SLC2A1: variants seen among roughly 807,000 people sequenced by gnomAD.
SLC2A1 encodes solute carrier family 2 member 1, also known as solute carrier family 2, facilitated glucose transporter member 1.
SLC2A1 carries 4 observed loss-of-function variants against 46.6 expected under a neutral mutation model. The ratio of observed to expected loss-of-function variants is 0.09; its 90% CI spans 0.04 to 0.20. The LOEUF (loss-of-function observed/expected upper bound fraction) is 0.20. Ranked by LOEUF, SLC2A1 falls within the 10% of genes least tolerant of loss-of-function variation. The pLI is 1.00. For synonymous variants in SLC2A1, 253 were observed against 270.0 expected (o/e 0.94, Z 0.62); for missense variants, 352 against 667.0 (o/e 0.53, Z 5.20).
intron 2 of SLC2A1, among the ~76,000 whole-genome samples, chr1:42,935,473 G>A (rs1643533081): frequency 6.6e-6 from 1 of 152,220 alleles, no homozygotes; most frequent in Non-Finnish European, 1.5e-5. Flanking sequence ...GGCGAACACT[G>A]CCTGGCACAT....
At chr1:42,942,986 G>A in intron 2 of SLC2A1, 1 of 585,190 alleles carries the variant, frequency 1.7e-6, no homozygotes, top group South Asian at 2.0e-5. Context: ...TGGTCAAGAG[G>A]GCCTATACAA....
intron 1 of SLC2A1, among the ~76,000 whole-genome samples, chr1:42,956,420 AAAAAAAAAAAAAAC>A (rs1421117705): frequency 6.8e-5 from 9 of 132,094 alleles, no homozygotes; most frequent in African/African-American, 2.6e-4. Context: ...AAAAAAAAAA[AAAAAAAAAAAAAAC>A]ATTAGCTGGG....
chr1:42,931,858 A>G (rs1252554319), intron 2 of SLC2A1, among the ~76,000 whole-genome samples: 1 of 150,536 alleles, frequency 6.6e-6, no homozygotes. Context: ...AGAAATACAG[A>G]AGGAAAAGGG....
rs1643423234 is a variant in SLC2A1 at position 42,926,182 on chromosome 1, G to A, written c.*859C>T. 1 of 152,644 alleles carries A rather than the reference G, an allele frequency of 6.6e-6. No individual in the cohort carries two copies. Among genetic ancestry groups the A allele is most frequent in the Non-Finnish European group, 1.5e-5 (1 of 68,074 alleles). 9.5% of individuals were successfully genotyped at this position (152,644 alleles called of 1,614,324 possible). ...TTCTAAAAACCAGCCATTTATATCT[G>A]TTTAGGTAAGTAACAGGAGTGAGGT... On this transcript the variant is annotated 3_prime_UTR_variant, in exon 10 of 10. Transcript: ENST00000426263.
rs1162189308 is a variant in SLC2A1, at chr1:42,926,510, G to A, written c.*531C>T. 1 of 297,760 alleles carries A rather than the reference G, an allele frequency of 3.4e-6. No homozygotes were observed. The highest frequency in any genetic ancestry group is 6.7e-6 in the Non-Finnish European group (1 of 148,608). The allele number at this position is 297,760 out of a possible 1,614,324, so 18.4% of individuals were successfully genotyped here. A position where few individuals can be genotyped will look rare whatever the true frequency, so the allele number is the denominator to read the frequency against. On this transcript the variant is annotated 3_prime_UTR_variant, in exon 10 of 10. Transcript: ENST00000426263. ...AAGATTAATTTGAGTGGTTGGGTAG[G>A]AAGAGATGGGAAGGGGCAAATCCTA...
chr1:42,936,045 CT>C (rs1643539337), intron 2 of SLC2A1, among the ~76,000 whole-genome samples: 1 of 152,162 alleles, frequency 6.6e-6, no homozygotes, highest in Non-Finnish European at 1.5e-5. Context: ...AACCCTTGAT[CT>C]AGGATTCTAG....
At chr1:42,947,586 A>AAAAAAAAAAAAAAAAAAAAAAC (rs1643671812) in intron 1 of SLC2A1, among the ~76,000 whole-genome samples, 1 of 78,746 alleles carries the variant, frequency 1.3e-5, no homozygotes, top group African/African-American at 4.1e-5. Flanking sequence ...ACACACAAAA[A>AAAAAAAAAAAAAAAAAAAAAAC]AAAAAAAAAA....
chr1:42,958,539 G>T, intron 1 of SLC2A1, 95 bp downstream of exon 1: 19 of 1,089,876 alleles, frequency 1.7e-5, no homozygotes, highest in Non-Finnish European at 2.3e-5. Flanking sequence ...GGCGCACAGC[G>T]CAGCGGGGCG....
chr1:42,940,006 C>A (rs1557650103), intron 2 of SLC2A1, among the ~76,000 whole-genome samples: 1 of 151,746 alleles, frequency 6.6e-6, no homozygotes, highest in Non-Finnish European at 1.5e-5. Context: ...AAAGGCAGCC[C>A]CTCCCTTCTG....
intron 1 of SLC2A1, among the ~76,000 whole-genome samples, chr1:42,948,500 A>G (rs566738603): frequency 2.0e-5 from 3 of 152,282 alleles, no homozygotes; most frequent in Non-Finnish European, 2.9e-5. Flanking sequence ...GAAGCAGGGG[A>G]CGCAGGGCTT....
At chr1:42,931,564 G>T (rs1260243987) in intron 2 of SLC2A1, among the ~76,000 whole-genome samples, 1 of 152,032 alleles carries the variant, frequency 6.6e-6, no homozygotes, top group Non-Finnish European at 1.5e-5. Context: ...GGTGGCTCAC[G>T]CCTGTAATCC....
chr1:42,927,010 G>T lies in SLC2A1; in HGVS notation c.*31C>A. 1 of 1,609,242 alleles carries T rather than the reference G, an allele frequency of 6.2e-7. No individual in the cohort carries two copies. The highest frequency in any genetic ancestry group is 8.5e-7 in the Non-Finnish European group (1 of 1,176,312). On this transcript the variant is annotated 3_prime_UTR_variant, in exon 10 of 10. Transcript: ENST00000426263. This position sits in a 1 kb window ranked among gnomAD's most constrained non-coding sequence, Gnocchi z 5.3. ...TCCTGAGAGATCCTTAGGGCTGCTG[G>T]GAGCAGGCCGGGCTGGTGATCTGGG...
intron 2 of SLC2A1, among the ~76,000 whole-genome samples, chr1:42,940,009 C>A (rs947269608): frequency 6.6e-6 from 1 of 151,694 alleles, no homozygotes; most frequent in Non-Finnish European, 1.5e-5. Context: ...GGCAGCCCCT[C>A]CCTTCTGCTC....
At chr1:42,932,883 C>A (rs559286239) in intron 2 of SLC2A1, among the ~76,000 whole-genome samples, 1 of 152,226 alleles carries the variant, frequency 6.6e-6, no homozygotes, top group African/African-American at 2.4e-5. Context: ...AGGCCAGGCT[C>A]CAAGGGGCGA....
chr1:42,942,097 G>A (rs1643604353), intron 2 of SLC2A1, among the ~76,000 whole-genome samples: 3 of 152,242 alleles, frequency 2.0e-5, no homozygotes, highest in South Asian at 4.1e-4. Flanking sequence ...AGCCCCATCC[G>A]TCTGGACAAG....
chr1:42,955,390 C>T (rs1481852736), intron 1 of SLC2A1, among the ~76,000 whole-genome samples: 2 of 152,186 alleles, frequency 1.3e-5, no homozygotes, highest in Non-Finnish European at 2.9e-5. Flanking sequence ...GGGCGGATCA[C>T]CTGAGCTCAA....
Position 42,927,024 on chromosome 1 carries a change from T to C in SLC2A1, c.*17A>G. On this transcript the variant is annotated 3_prime_UTR_variant, in exon 10 of 10. Transcript: ENST00000426263. The surrounding 1 kb of genome is among the most constrained non-coding windows in gnomAD (Gnocchi z 5.3). ...TAGGGCTGCTGGGAGCAGGCCGGGC[T>C]GGTGATCTGGGGCGACTCACACTTG... 6.2e-7 allele frequency: 1 copy of C among 1,612,286 alleles called. No individual in the cohort carries two copies. Among genetic ancestry groups the C allele is most frequent in the Non-Finnish European group, 8.5e-7 (1 of 1,178,502 alleles).
At position 42,929,845 on chromosome 1, in the gene SLC2A1, G is replaced by A. The variant is rs1643468855; in HGVS notation, c.679+28C>T. On this transcript the variant is annotated intron_variant, in intron 5 of 9. Transcript: ENST00000426263. The surrounding 1 kb of genome is among the most constrained non-coding windows in gnomAD (Gnocchi z 6.0). ...GGAAGAAGGCCAGGGCTCAGGGAGT[G>A]GGGAGGAGGGCAGGGCCATGCCCGT... is the stretch of plus-strand genomic sequence containing the variant. The A allele has an allele frequency of 1.9e-6, 3 of 1,614,164 alleles. No homozygotes were observed. The highest frequency in any genetic ancestry group is 2.5e-6 in the Non-Finnish European group (3 of 1,179,996).
At chr1:42,946,692 G>C (rs374425731) in intron 1 of SLC2A1, among the ~76,000 whole-genome samples, 3 of 145,394 alleles carry the variant, frequency 2.1e-5, no homozygotes, top group Admixed American at 6.9e-5. Flanking sequence ...ATGGGGACCA[G>C]TCAGATTAAG....
Sources: gnomAD v4.1 joint callset for allele counts (sites outside exome capture counted in the v4.1 genomes callset) on GRCh38, gnomAD v4.1.1 for gene constraint, Gnocchi (gnomAD v3.1) non-coding constraint, MANE v1.5 for transcripts, NCBI Gene and HGNC (gene_info 2026-07-23, HGNC 2026-07-21) for gene names.